ZNF248: variants seen among roughly 807,000 people sequenced by gnomAD.
ZNF248 encodes zinc finger protein 248.
ZNF248 carries 20 observed loss-of-function variants against 44.3 expected under a neutral mutation model. That is an observed-to-expected ratio of 0.45 (90% CI 0.32 to 0.66). The LOEUF is 0.66. Ranked by LOEUF, ZNF248 falls within the 30% of genes least tolerant of loss-of-function variation. ZNF248 has a pLI of 0.04. For synonymous variants in ZNF248, 224 were observed against 229.0 expected (o/e 0.98, Z 0.20); for missense variants, 654 against 677.0 (o/e 0.97, Z 0.38).
intron 6 of ZNF248, among the ~76,000 whole-genome samples, chr10:37,797,901 G>A (rs2049340753): frequency 6.6e-6 from 1 of 152,136 alleles, no homozygotes; most frequent in Non-Finnish European, 1.5e-5. Context: ...TAGTTTGGTA[G>A]TTCCTCAAAA....
intron 6 of ZNF248, among the ~76,000 whole-genome samples, chr10:37,780,468 G>C: frequency 6.6e-6 from 1 of 151,208 alleles, no homozygotes; most frequent in East Asian, 2.0e-4. Flanking sequence ...GCCATATGTA[G>C]AAAGCTGAAA....
At chr10:37,838,182 A>C (rs577117323) in intron 3 of ZNF248, 71 bp from the exon 4 acceptor site, 2 of 1,427,694 alleles carry the variant, frequency 1.4e-6, no homozygotes, top group East Asian at 2.3e-5. Flanking sequence ...AAGAGAACTA[A>C]TCTCTTTAGA....
rs201648353 is a variant in ZNF248 at position 37,779,168 on chromosome 10, G to T, written c.331-2593C>A. ...AATCCTCCCTAACTCATTTTATGAG[G>T]CCAGCATCATTCTGATACCAAAGCC... is the stretch of plus-strand genomic sequence containing the variant. On this transcript the variant is annotated intron_variant, in intron 6 of 6. Coordinates refer to the ZNF248 transcript ENST00000615949. 8.7e-4 allele frequency among the ~76,000 whole-genome samples: 132 copies of T among 152,104 alleles called. 3 individuals are homozygous for T. In the East Asian group the frequency reaches 0.024, roughly 28 times the overall value.
chr10:37,826,599 T>G (rs1308985972), downstream of ZNF248, among the ~76,000 whole-genome samples: 1 of 152,196 alleles, frequency 6.6e-6, no homozygotes, highest in Admixed American at 6.5e-5. Context: ...TGTAATAATG[T>G]CACAATAATG....
chr10:37,779,213 A>G (rs897462135), intron 6 of ZNF248, among the ~76,000 whole-genome samples: 18 of 152,352 alleles, frequency 1.2e-4, no homozygotes, highest in African/African-American at 3.8e-4. Context: ...CACAACAAAA[A>G]AAGAGAATTT....
chr10:37,837,732 C>T lies in ZNF248; in HGVS notation c.143-20G>A. 1 of 1,608,758 alleles carries T rather than the reference C, an allele frequency of 6.2e-7. No homozygotes were observed. Among genetic ancestry groups the T allele is most frequent in the Non-Finnish European group, 8.5e-7 (1 of 1,176,078 alleles). On this transcript the variant is annotated intron_variant, in intron 4 of 5. Transcript: ENST00000395867. ...AATACCCTGTTAAGAGAAAATACCA[C>T]AGGACTAGAGCTAAATAGCTTGGTT...
intron 6 of ZNF248, among the ~76,000 whole-genome samples, chr10:37,777,181 C>T (rs1180315501): frequency 6.6e-6 from 1 of 151,984 alleles, no homozygotes; most frequent in Non-Finnish European, 1.5e-5. Flanking sequence ...TACAAACCTG[C>T]AGGGAAAAAC....
rs773763879 is a variant in ZNF248 at position 37,831,063 on chromosome 10, CATAT to C, written c.*548_*551del. The C allele has an allele frequency of 2.4e-6, 3 of 1,255,948 alleles. No homozygotes were observed. The highest frequency in any genetic ancestry group is 6.9e-5 in the Admixed American group (2 of 29,146). The allele number at this position is 1,255,948 out of a possible 1,614,324, so 77.8% of individuals were successfully genotyped here. A position where few individuals can be genotyped will look rare whatever the true frequency, so the allele number is the denominator to read the frequency against. On this transcript the variant is annotated 3_prime_UTR_variant, in exon 6 of 6. Transcript: ENST00000395867. ...ATACACACAAACATATGTACATACA[CATAT>C]ATAATTATGTCAACCTATAAAGACA...
At chr10:37,818,138 G>A (rs370376258) in intron 6 of ZNF248, among the ~76,000 whole-genome samples, 16 of 151,892 alleles carry the variant, frequency 1.1e-4, no homozygotes, top group African/African-American at 3.9e-4. Context: ...GGATGGTCTC[G>A]ATCTCCTGAC....
rs200923 is a variant in ZNF248 at position 37,835,302 on chromosome 10, T to G, written c.239-2186A>C. On this transcript the variant is annotated intron_variant, in intron 5 of 5. Transcript: ENST00000395867. ...AAAATAACAATAGGAACAAAGAGAC[T>G]GGTGGGAAATATTAACAGGTTTATT... 1.0e-3 allele frequency among the ~76,000 whole-genome samples: 153 copies of G among 152,272 alleles called. 1 individual carries two copies. The highest frequency in any genetic ancestry group is 3.6e-3 in the African/African-American group (149 of 41,552).
intron 6 of ZNF248, among the ~76,000 whole-genome samples, chr10:37,804,101 CTTTTTTTTT>C (rs59261731): frequency 3.2e-5 from 4 of 124,948 alleles, no homozygotes; most frequent in Middle Eastern, 4.4e-3. Context: ...TTTTCTTTTT[CTTTTTTTTT>C]TTTTTTTTTT....
At chr10:37,768,174 A>T in the ZNF248 span, among the ~76,000 whole-genome samples, 1 of 152,150 alleles carries the variant, frequency 6.6e-6, no homozygotes, top group Non-Finnish European at 1.5e-5. Flanking sequence ...CACAATAATA[A>T]TGGGAGACTT....
chr10:37,773,239 C>G (rs377026228), downstream of ZNF248, among the ~76,000 whole-genome samples: 3 of 151,900 alleles, frequency 2.0e-5, no homozygotes, highest in African/African-American at 7.3e-5. Flanking sequence ...AACAAGACTC[C>G]GTCTAAAAAA....
chr10:37,781,603 G>A (rs1015284995), intron 6 of ZNF248, among the ~76,000 whole-genome samples: 1 of 151,292 alleles, frequency 6.6e-6, no homozygotes, highest in Non-Finnish European at 1.5e-5. Context: ...GGGCCTCCTC[G>A]GGGACTTCAG....
intron 6 of ZNF248, among the ~76,000 whole-genome samples, chr10:37,807,546 T>C (rs1271286182): frequency 6.6e-6 from 1 of 152,212 alleles, no homozygotes. Flanking sequence ...TATTAAGTCT[T>C]CCTATCAATG....
chr10:37,827,203 A>T (rs1021850008), downstream of ZNF248, among the ~76,000 whole-genome samples: 6 of 152,214 alleles, frequency 3.9e-5, no homozygotes, highest in African/African-American at 1.2e-4. Flanking sequence ...AGAATAGGGC[A>T]AGCCTTTACT....
chr10:37,778,106 G>A (rs1445558962), intron 6 of ZNF248, among the ~76,000 whole-genome samples: 3 of 152,088 alleles, frequency 2.0e-5, no homozygotes, highest in East Asian at 1.9e-4. Context: ...CTGAGGAATC[G>A]CCACACTGAC....
At chr10:37,825,100 T>C (rs538433495), downstream of ZNF248, among the ~76,000 whole-genome samples, 146 of 152,244 alleles carry the variant, frequency 9.6e-4, 2 homozygotes, top group Non-Finnish European at 1.5e-3. Context: ...TGATATGTTG[T>C]TCATAAAGTG....
At chr10:37,851,768 C>CAAAAAAAA (rs57501241) in intron 3 of ZNF248, among the ~76,000 whole-genome samples, 1 of 32,058 alleles carries the variant, frequency 3.1e-5, no homozygotes. Context: ...TCAGAATGAC[C>CAAAAAAAA]AAAAAAAAAA....
Sources: gnomAD v4.1 joint callset for allele counts (sites outside exome capture counted in the v4.1 genomes callset) on GRCh38, gnomAD v4.1.1 for gene constraint, MANE v1.5 for transcripts, NCBI Gene and HGNC (gene_info 2026-07-23, HGNC 2026-07-21) for gene names.